KLF8: variants seen among roughly 807,000 people sequenced by gnomAD.
The protein encoded by KLF8 is Krueppel-like factor 8.
A neutral mutation model predicts 18.2 loss-of-function variants in KLF8; 10 were observed. The observed-to-expected ratio is 0.55, with a 90% confidence interval of 0.34 to 0.93. The LOEUF is 0.93. Ranked by LOEUF, KLF8 falls within the 40% of genes least tolerant of loss-of-function variation. KLF8 has a pLI of 0.02. For synonymous variants in KLF8, 109 were observed against 97.3 expected (o/e 1.12, Z -0.71); for missense variants, 264 against 277.9 (o/e 0.95, Z 0.36).
the KLF8 span, among the ~76,000 whole-genome samples, chrX:55,950,768 A>G: frequency 0.015 from 1,650 of 111,826 alleles, 26 homozygotes; most frequent in African/African-American, 0.051. Context: ...ACAATTATAA[A>G]TATACTTGCC....
the KLF8 span, among the ~76,000 whole-genome samples, chrX:55,999,285 A>ATTTTTT: frequency 1.8e-4 from 6 of 33,574 alleles, no homozygotes; most frequent in African/African-American, 5.7e-4. Context: ...ATGCCTCCAG[A>ATTTTTT]TTTTTTTTTT....
the KLF8 span, among the ~76,000 whole-genome samples, chrX:55,957,874 A>G: frequency 8.9e-6 from 1 of 111,966 alleles, no homozygotes; most frequent in East Asian, 2.8e-4. Context: ...AGTGTTTATC[A>G]TAAACTCATT....
chrX:55,958,994 C>A, the KLF8 span, among the ~76,000 whole-genome samples: 1 of 111,778 alleles, frequency 8.9e-6, no homozygotes, highest in Non-Finnish European at 1.9e-5. Context: ...CCTGCCAGAG[C>A]TCTTTTGCCA....
the KLF8 span, among the ~76,000 whole-genome samples, chrX:55,919,590 C>G: frequency 9.0e-6 from 1 of 110,986 alleles, no homozygotes; most frequent in Non-Finnish European, 1.9e-5. Flanking sequence ...TGGGTGAGGC[C>G]TGTGACTGCC....
At chrX:56,052,677 CAG>C in the KLF8 span, among the ~76,000 whole-genome samples, 1 of 112,019 alleles carries the variant, frequency 8.9e-6, no homozygotes, top group African/African-American at 3.2e-5. Flanking sequence ...TCAAAGCTGT[CAG>C]ACAGGGACAT....
At chrX:56,173,730 A>T in the KLF8 span, among the ~76,000 whole-genome samples, 1 of 111,868 alleles carries the variant, frequency 8.9e-6, no homozygotes, top group Non-Finnish European at 1.9e-5. Context: ...CCTACCCATG[A>T]GCATGGAATG....
the KLF8 span, among the ~76,000 whole-genome samples, chrX:56,001,492 A>G: frequency 3.6e-5 from 4 of 111,727 alleles, no homozygotes; most frequent in African/African-American, 9.8e-5. Context: ...TGCATCTTCA[A>G]TTTCTCTATC....
At chrX:56,164,734 T>C in the KLF8 span, among the ~76,000 whole-genome samples, 1 of 89,974 alleles carries the variant, frequency 1.1e-5, no homozygotes, top group Non-Finnish European at 2.1e-5. Flanking sequence ...TATCTCTTTT[T>C]TTTTTTTTTT....
the KLF8 span, among the ~76,000 whole-genome samples, chrX:56,053,641 CT>C: frequency 1.9e-5 from 2 of 106,006 alleles, no homozygotes; most frequent in Non-Finnish European, 3.9e-5. Context: ...GGTCTTGGGC[CT>C]TTTTTAATTG....
At chrX:56,165,431 A>T in the KLF8 span, among the ~76,000 whole-genome samples, 1 of 112,524 alleles carries the variant, frequency 8.9e-6, no homozygotes, top group Non-Finnish European at 1.9e-5. Flanking sequence ...CTGTTACATT[A>T]AAATCCATTG....
chrX:56,087,047 T>C, the KLF8 span, among the ~76,000 whole-genome samples: 9 of 111,460 alleles, frequency 8.1e-5, no homozygotes, highest in African/African-American at 2.9e-4. Context: ...TTGATGCTTA[T>C]CTGGAAGCCG....
At chrX:56,162,074 G>T in the KLF8 span, among the ~76,000 whole-genome samples, 1 of 111,949 alleles carries the variant, frequency 8.9e-6, no homozygotes, top group African/African-American at 3.2e-5. Context: ...AGCAGAGGCT[G>T]CAGAACAGTT....
the KLF8 span, among the ~76,000 whole-genome samples, chrX:56,092,166 G>A: frequency 9.0e-6 from 1 of 110,570 alleles, no homozygotes; most frequent in South Asian, 3.8e-4. Context: ...TTTAAATAGG[G>A]TTATTTGTTT....
chrX:56,208,942 T>TC, the KLF8 span, among the ~76,000 whole-genome samples: 1 of 112,411 alleles, frequency 8.9e-6, no homozygotes, highest in Non-Finnish European at 1.9e-5. Context: ...CTGCAGCTCT[T>TC]GAATAAAATA....
chrX:56,202,203 CT>C, the KLF8 span, among the ~76,000 whole-genome samples: 18 of 105,816 alleles, frequency 1.7e-4, no homozygotes, highest in South Asian at 4.1e-4. Context: ...GAGACCCTAC[CT>C]TTTTTTTTTC....
chrX:55,939,056 A>T, the KLF8 span, among the ~76,000 whole-genome samples: 1 of 112,028 alleles, frequency 8.9e-6, no homozygotes, highest in Non-Finnish European at 1.9e-5. Flanking sequence ...CTACACCCCA[A>T]ATCAGCAGAA....
At chrX:56,257,598 G>A (rs2066816183) in intron 2 of KLF8, among the ~76,000 whole-genome samples, 1 of 111,683 alleles carries the variant, frequency 9.0e-6, no homozygotes, top group East Asian at 2.8e-4. Context: ...TCATAAATAA[G>A]AACATGCAGT....
the KLF8 span, among the ~76,000 whole-genome samples, chrX:56,207,657 G>T: frequency 1.1e-4 from 12 of 111,016 alleles, no homozygotes; most frequent in African/African-American, 3.9e-4. Flanking sequence ...TCAGCATTTT[G>T]GTCAAAGCCA....
chrX:56,200,706 C>T, the KLF8 span, among the ~76,000 whole-genome samples: 3 of 110,685 alleles, frequency 2.7e-5, no homozygotes, highest in Non-Finnish European at 3.8e-5. Flanking sequence ...ATTTGCCAGC[C>T]ATATATCTGA....
Sources: allele counts gnomAD v4.1 joint callset (sites outside exome capture counted in the v4.1 genomes callset), GRCh38; gene constraint gnomAD v4.1.1; transcripts MANE v1.5; gene names NCBI Gene and HGNC (gene_info 2026-07-23, HGNC 2026-07-21).